Variants in MBD5 observed in about 807,000 individuals in gnomAD.
The protein encoded by MBD5 is methyl-CpG-binding domain protein 5.
MBD5 carries 13 observed loss-of-function variants against 117.3 expected under a neutral mutation model. The ratio of observed to expected loss-of-function variants is 0.11; its 90% CI spans 0.07 to 0.18. MBD5 has a LOEUF of 0.18. Ranked by LOEUF, MBD5 falls within the 10% of genes least tolerant of loss-of-function variation. MBD5 has a pLI of 1.00. For synonymous variants in MBD5, 727 were observed against 766.4 expected, an observed-to-expected ratio of 0.95 and a Z score of 0.85; for missense variants, 1,879 against 2,093.8, an observed-to-expected ratio of 0.90 and a Z score of 2.00.
At chr2:148,463,597 A>G in intron 6 of MBD5, 142 bp from the exon 7 acceptor site, 2 of 899,606 alleles carry the variant, frequency 2.2e-6, no homozygotes, top group African/African-American at 1.7e-5. Context: ...TAAGTTATAT[A>G]AAGTTGCCTT....
intron 4 of MBD5, among the ~76,000 whole-genome samples, chr2:148,452,127 A>G (rs1706746701): frequency 2.6e-5 from 4 of 152,196 alleles, no homozygotes; most frequent in African/African-American, 9.6e-5. Flanking sequence ...GATGTTATTC[A>G]AAAAGATTTA....
chr2:148,216,423 T>C (rs1206450903), intron 2 of MBD5, among the ~76,000 whole-genome samples: 1 of 152,212 alleles, frequency 6.6e-6, no homozygotes, highest in African/African-American at 2.4e-5. Context: ...TTATTTTATA[T>C]TATTGATGTC....
intron 1 of MBD5, among the ~76,000 whole-genome samples, chr2:148,104,118 A>G (rs181552054): frequency 1.1e-4 from 16 of 152,262 alleles, no homozygotes; most frequent in Admixed American, 1.0e-3. Context: ...AAGATTAGGT[A>G]TATCTCCCCT....
At chr2:148,254,714 T>C (rs528501363) in intron 3 of MBD5, among the ~76,000 whole-genome samples, 23 of 152,310 alleles carry the variant, frequency 1.5e-4, no homozygotes, top group Admixed American at 9.8e-4. Context: ...GGACTGCTTG[T>C]TCCACCATAT....
intron 3 of MBD5, among the ~76,000 whole-genome samples, chr2:148,279,952 G>A (rs1701202573): frequency 6.6e-6 from 1 of 151,520 alleles, no homozygotes; most frequent in Admixed American, 6.6e-5. Context: ...CCTGGCTTTG[G>A]GCTCATTTTA....
At chr2:148,420,060 C>A (rs1312488777) in intron 4 of MBD5, among the ~76,000 whole-genome samples, 2 of 152,116 alleles carry the variant, frequency 1.3e-5, no homozygotes, top group Admixed American at 1.3e-4. Context: ...AGTGAAATAT[C>A]CCATTATGAC....
At chr2:148,318,718 T>C (rs1180963587) in intron 3 of MBD5, among the ~76,000 whole-genome samples, 1 of 152,030 alleles carries the variant, frequency 6.6e-6, no homozygotes, top group Non-Finnish European at 1.5e-5. Flanking sequence ...CTTTCTCCAG[T>C]GTATTTTGGT....
At chr2:148,093,110 C>G (rs1695983494) in intron 1 of MBD5, among the ~76,000 whole-genome samples, 2 of 152,056 alleles carry the variant, frequency 1.3e-5, no homozygotes, top group Admixed American at 1.3e-4. Context: ...AGGGTTTCAC[C>G]ATGTTGGTCA....
chr2:148,423,309 T>G (rs1705669972), intron 4 of MBD5, among the ~76,000 whole-genome samples: 2 of 152,078 alleles, frequency 1.3e-5, no homozygotes, highest in Non-Finnish European at 2.9e-5. Context: ...TTTTCTTTTT[T>G]TTTTAAAGGC....
At position 148,469,768 on chromosome 2, in the gene MBD5, G is replaced by A. The variant is rs1465809576; in HGVS notation, c.1825G>A (p.Ala609Thr). The A allele has an allele frequency of 6.2e-7, 1 of 1,614,002 alleles. No individual in the cohort carries two copies. Among genetic ancestry groups the A allele is most frequent in the East Asian group, 2.2e-5 (1 of 44,878 alleles). Residue 609 changes from alanine to threonine, a missense_variant, in exon 8 of 14, where the codon GCC (alanine) becomes ACC (threonine). Transcript: ENST00000642680. ...CAGCAGTAGCAATTCTGGAGCTGTTGCCGGCAGTGGCAACACTGAAGGACA... is the reference window on the plus strand; with the variant it reads ...CAGCAGTAGCAATTCTGGAGCTGTTACCGGCAGTGGCAACACTGAAGGACA... ...SSSSSNSGAVAGSGNTEGHST... is the reference protein window; with the variant it reads ...SSSSSNSGAVTGSGNTEGHST...
chr2:148,378,314 T>A (rs567222570), intron 4 of MBD5, among the ~76,000 whole-genome samples: 5 of 152,292 alleles, frequency 3.3e-5, no homozygotes, highest in African/African-American at 1.2e-4. Flanking sequence ...GCCTGAGTCA[T>A]ATTGCTGCTT....
At chr2:148,111,865 G>A (rs1181660441) in intron 1 of MBD5, among the ~76,000 whole-genome samples, 1 of 151,980 alleles carries the variant, frequency 6.6e-6, no homozygotes, top group Non-Finnish European at 1.5e-5. Context: ...ATACCTATAA[G>A]TTTAATTTAT....
rs951855416 is a variant in MBD5, at chr2:148,514,457, A to G, written c.*1516A>G. On this transcript the variant is annotated 3_prime_UTR_variant, in exon 14 of 14. Transcript: ENST00000642680. ...CCTGACTTCAGTTGATGGATTGTCAAAAGAAGGGATCTATTATCCCTTTAT... is the reference window on the plus strand; with the variant it reads ...CCTGACTTCAGTTGATGGATTGTCAGAAGAAGGGATCTATTATCCCTTTAT... 11 of 152,170 alleles carry G rather than the reference A, an allele frequency of 7.2e-5. No individual in the cohort carries two copies. Among genetic ancestry groups the G allele is most frequent in the African/African-American group, 2.7e-4 (11 of 41,428 alleles). 9.4% of individuals were successfully genotyped at this position (152,170 alleles called of 1,614,324 possible). A position where few individuals can be genotyped will look rare whatever the true frequency, so the allele number is the denominator to read the frequency against.
At chr2:148,207,234 A>C (rs1002702697) in intron 2 of MBD5, among the ~76,000 whole-genome samples, 1 of 152,134 alleles carries the variant, frequency 6.6e-6, no homozygotes, top group Non-Finnish European at 1.5e-5. Context: ...TAGGTTGTAA[A>C]TTAACTGTAC....
chr2:148,270,795 A>T (rs564579236), intron 3 of MBD5, among the ~76,000 whole-genome samples: 1 of 151,812 alleles, frequency 6.6e-6, no homozygotes, highest in African/African-American at 2.4e-5. Context: ...CCTTTCTTGG[A>T]TTCCTACAGC....
chr2:148,145,775 G>A (rs1302067541), intron 1 of MBD5, among the ~76,000 whole-genome samples: 1 of 152,172 alleles, frequency 6.6e-6, no homozygotes, highest in African/African-American at 2.4e-5. Context: ...TGTCGAACCA[G>A]CCTTGCATCC....
chr2:148,051,339 A>G (rs1282457670), intron 1 of MBD5, among the ~76,000 whole-genome samples: 1 of 151,580 alleles, frequency 6.6e-6, no homozygotes, highest in Non-Finnish European at 1.5e-5. Flanking sequence ...TTTTTTATAC[A>G]TAAGATTATG....
intron 4 of MBD5, among the ~76,000 whole-genome samples, chr2:148,392,631 T>C (rs1462370698): frequency 6.6e-6 from 1 of 152,138 alleles, no homozygotes; most frequent in Non-Finnish European, 1.5e-5. Context: ...TGACAGTTAT[T>C]TTATGCCTTT....
At chr2:148,239,093 TA>T (rs1700156196) in intron 3 of MBD5, among the ~76,000 whole-genome samples, 1 of 151,854 alleles carries the variant, frequency 6.6e-6, no homozygotes, top group Non-Finnish European at 1.5e-5. Flanking sequence ...TGTATATATA[TA>T]TAACTGAGAA....
Sources: allele counts gnomAD v4.1 joint callset (sites outside exome capture counted in the v4.1 genomes callset), GRCh38; gene constraint gnomAD v4.1.1; transcripts MANE v1.5; gene names NCBI Gene and HGNC (gene_info 2026-07-23, HGNC 2026-07-21).